ADRA1A: variants seen among roughly 807,000 people sequenced by gnomAD.
ADRA1A encodes adrenoceptor alpha 1A.
ADRA1A carries 31 observed loss-of-function variants against 29.6 expected under a neutral mutation model. That is an observed-to-expected ratio of 1.05 (90% CI 0.79 to 1.41). ADRA1A has a LOEUF of 1.41. Among genes scored for constraint, ADRA1A ranks in the 40% most tolerant of loss-of-function variants. The pLI is 0.00. For missense variants in ADRA1A, 619 were observed against 601.1 expected, an observed-to-expected ratio of 1.03 and a Z score of -0.31; for synonymous variants, 311 against 254.3, an observed-to-expected ratio of 1.22 and a Z score of -2.12.
intron 2 of ADRA1A, among the ~76,000 whole-genome samples, chr8:26,843,829 G>T (rs182902876): frequency 2.0e-5 from 3 of 152,326 alleles, no homozygotes; most frequent in African/African-American, 7.2e-5. Flanking sequence ...GTAAATATCT[G>T]AAGGAATTCA....
intron 2 of ADRA1A, among the ~76,000 whole-genome samples, chr8:26,826,652 A>G (rs1810596331): frequency 6.6e-6 from 1 of 152,104 alleles, no homozygotes; most frequent in South Asian, 2.1e-4. Context: ...CATCGACCCT[A>G]TGCCCTTGGA....
At chr8:26,776,527 G>T (rs924824644) in intron 2 of ADRA1A, among the ~76,000 whole-genome samples, 29 of 152,272 alleles carry the variant, frequency 1.9e-4, no homozygotes, top group African/African-American at 6.5e-4. Flanking sequence ...CTGAAGACGC[G>T]AGTAGTTCCC....
At chr8:26,829,294 T>A (rs1810806260) in intron 2 of ADRA1A, among the ~76,000 whole-genome samples, 1 of 152,002 alleles carries the variant, frequency 6.6e-6, no homozygotes. Flanking sequence ...GCAAGGCAAA[T>A]TCAAGTGGCT....
At chr8:26,835,254 T>C (rs930555602) in intron 2 of ADRA1A, among the ~76,000 whole-genome samples, 3 of 152,212 alleles carry the variant, frequency 2.0e-5, no homozygotes, top group Admixed American at 6.5e-5. Flanking sequence ...TTTATAACAC[T>C]TAACTTTTTG....
intron 2 of ADRA1A, among the ~76,000 whole-genome samples, chr8:26,786,463 A>G (rs762936970): frequency 6.6e-6 from 1 of 151,796 alleles, no homozygotes; most frequent in African/African-American, 2.4e-5. Context: ...TCATTATTGC[A>G]AGAGATGTAC....
chr8:26,811,953 A>T (rs1272434291), intron 2 of ADRA1A, among the ~76,000 whole-genome samples: 1 of 152,226 alleles, frequency 6.6e-6, no homozygotes, highest in Non-Finnish European at 1.5e-5. Context: ...CAATTTATTT[A>T]CCTATTCCAC....
At chr8:26,748,961 A>G (rs1306099018) in intron 2 of ADRA1A, among the ~76,000 whole-genome samples, 1 of 152,122 alleles carries the variant, frequency 6.6e-6, no homozygotes, top group Admixed American at 6.6e-5. Flanking sequence ...CACCTTTTGT[A>G]TTGGAGAAAG....
rs774083285 is a variant in ADRA1A at position 26,864,649 on chromosome 8, C to G, written c.321G>C (p.Val107=). Residue 107 remains valine (V), a synonymous_variant, in exon 2 of 3, where the codon GTG becomes GTC. Transcript: ENST00000380573. This position sits in a 1 kb window ranked among gnomAD's most constrained non-coding sequence, Gnocchi z 8.1. ...VFCNIWAAVD[V]LCCTASIMGL... ...CCATGATGGACGCGGTGCAGCACAG[C>G]ACATCCACTGCCGCCCAGATGTTGC... The G allele has an allele frequency of 2.5e-6, 4 of 1,614,200 alleles. No homozygotes were observed. In the Admixed American group the frequency reaches 6.7e-5, roughly 27 times the overall value.
intron 2 of ADRA1A, among the ~76,000 whole-genome samples, chr8:26,818,164 T>C (rs1164591501): frequency 6.6e-6 from 1 of 152,136 alleles, no homozygotes; most frequent in African/African-American, 2.4e-5. Context: ...TTGCCAAGGA[T>C]GGGGGTGGAC....
chr8:26,836,702 T>C (rs1450241882), intron 2 of ADRA1A, among the ~76,000 whole-genome samples: 1 of 152,216 alleles, frequency 6.6e-6, no homozygotes, highest in African/African-American at 2.4e-5. Flanking sequence ...GTAACACATA[T>C]AAGAGCAAAT....
At chr8:26,826,483 ATGACTACAT>A (rs1488420667) in intron 2 of ADRA1A, among the ~76,000 whole-genome samples, 1 of 152,260 alleles carries the variant, frequency 6.6e-6, no homozygotes, top group Non-Finnish European at 1.5e-5. Context: ...TGGTATAAAG[ATGACTACAT>A]TGTATATAAA....
chr8:26,796,324 TA>T lies in ADRA1A; in HGVS notation c.884-25659del, dbSNP rs1808191643. Among the ~76,000 whole-genome samples the T allele has an allele frequency of 6.6e-6, 1 of 152,170 alleles. No homozygotes were observed. The highest frequency in any genetic ancestry group is 2.1e-4 in the South Asian group (1 of 4,834). ...TTAAAAAAGAATAAAAGCACATAAC[TA>T]AAAAATAACTCACTGATTACCTACA... On this transcript the variant is annotated intron_variant, in intron 2 of 2. Coordinates refer to ENST00000380573, the MANE Select transcript of ADRA1A (RefSeq NM_000680.4). The surrounding 1 kb of genome is among the most constrained non-coding windows in gnomAD (Gnocchi z 5.0).
chr8:26,789,156 A>G (rs1479335421), intron 2 of ADRA1A, among the ~76,000 whole-genome samples: 1 of 151,974 alleles, frequency 6.6e-6, no homozygotes, highest in Non-Finnish European at 1.5e-5. Context: ...ATTGTTTTTA[A>G]AAAGGGTAAA....
chr8:26,780,666 C>A (rs1251841188), intron 2 of ADRA1A, among the ~76,000 whole-genome samples: 1 of 152,192 alleles, frequency 6.6e-6, no homozygotes, highest in Non-Finnish European at 1.5e-5. Context: ...CAGTCTGTGG[C>A]CTGTTAGAAA....
At chr8:26,782,736 CT>C (rs1807085916) in intron 2 of ADRA1A, among the ~76,000 whole-genome samples, 1 of 152,200 alleles carries the variant, frequency 6.6e-6, no homozygotes, top group African/African-American at 2.4e-5. Context: ...CCTAGACCAT[CT>C]CTGCCACCTG....
downstream of ADRA1A, among the ~76,000 whole-genome samples, chr8:26,754,651 GTCACCGGGT>G (rs1805071824): frequency 6.6e-6 from 1 of 152,098 alleles, no homozygotes; most frequent in East Asian, 1.9e-4. Context: ...GCCAGGAAAT[GTCACCGGGT>G]TCATGGTTAA....
intron 2 of ADRA1A, among the ~76,000 whole-genome samples, chr8:26,817,791 C>G (rs1809870163): frequency 6.6e-6 from 1 of 152,058 alleles, no homozygotes; most frequent in Non-Finnish European, 1.5e-5. Flanking sequence ...TAAACAAAAA[C>G]AAAAACAAAA....
At chr8:26,837,326 A>C (rs943207844) in intron 2 of ADRA1A, among the ~76,000 whole-genome samples, 1 of 152,166 alleles carries the variant, frequency 6.6e-6, no homozygotes, top group African/African-American at 2.4e-5. Flanking sequence ...AAGTAGTCAC[A>C]TTAAAGTCAA....
In ADRA1A at chr8:26,865,518, C is replaced by T; in HGVS notation, c.-549G>A. On this transcript the variant is annotated 5_prime_UTR_variant, in exon 2 of 3. Coordinates refer to ENST00000380573, the MANE Select transcript of ADRA1A (RefSeq NM_000680.4). This position sits in a 1 kb window ranked among gnomAD's most constrained non-coding sequence, Gnocchi z 7.6. ...TACAGGTTGGGCGCTGCTCCTGGCC[C>T]GCAGTTACCTACATTTTGAGCTGCC... 1.2e-5 allele frequency: 12 copies of T among 991,780 alleles called. 1 individual carries two copies. Among genetic ancestry groups the T allele is most frequent in the Non-Finnish European group, 1.4e-5 (12 of 834,164 alleles). The allele number at this position is 991,780 out of a possible 1,614,324, so 61.4% of individuals were successfully genotyped here.
Sources: allele counts gnomAD v4.1 joint callset (sites outside exome capture counted in the v4.1 genomes callset), GRCh38; gene constraint gnomAD v4.1.1; non-coding constraint Gnocchi (gnomAD v3.1); transcripts MANE v1.5; gene names NCBI Gene and HGNC (gene_info 2026-07-23, HGNC 2026-07-21).